Variants in DIAPH2 observed in about 807,000 individuals in gnomAD.
The protein encoded by DIAPH2 is protein diaphanous homolog 2.
Under a neutral mutation model 92.7 loss-of-function variants are expected in DIAPH2, and 35 were observed. The ratio of observed to expected loss-of-function variants is 0.38; its 90% CI spans 0.29 to 0.50. The LOEUF (loss-of-function observed/expected upper bound fraction) is 0.50, where lower values mean the gene tolerates loss of function less well. Among genes scored for constraint, DIAPH2 ranks in the 20% least tolerant of loss-of-function variants. The pLI, the probability that DIAPH2 is intolerant of heterozygous loss-of-function variation, is 0.94. For missense variants in DIAPH2, 701 were observed against 819.5 expected, an observed-to-expected ratio of 0.86 and a Z score of 1.77; for synonymous variants, 301 against 280.4, an observed-to-expected ratio of 1.07 and a Z score of -0.73.
chrX:96,816,395 T>C (rs901986980), intron 4 of DIAPH2, among the ~76,000 whole-genome samples: 3 of 112,325 alleles, frequency 2.7e-5, no homozygotes, highest in African/African-American at 9.7e-5. Flanking sequence ...TGTCATTCCC[T>C]TATTTGTCTG....
At chrX:96,738,245 C>G (rs2064098994) in intron 2 of DIAPH2, among the ~76,000 whole-genome samples, 1 of 111,431 alleles carries the variant, frequency 9.0e-6, no homozygotes, top group African/African-American at 3.3e-5. Flanking sequence ...TTTCATAGTT[C>G]TAAAGTTGCC....
At chrX:97,342,528 CAATT>C (rs1162182763) in intron 23 of DIAPH2, among the ~76,000 whole-genome samples, 2 of 111,843 alleles carry the variant, frequency 1.8e-5, no homozygotes, top group Admixed American at 9.5e-5. Flanking sequence ...GCGGCTCACA[CAATT>C]TATTTTTTAA....
At chrX:97,524,095 C>G (rs2071008556) in intron 26 of DIAPH2, among the ~76,000 whole-genome samples, 1 of 111,550 alleles carries the variant, frequency 9.0e-6, no homozygotes, top group Admixed American at 9.6e-5. Flanking sequence ...GAGCATTTAT[C>G]ACCACCCGTC....
chrX:97,427,114 G>A (rs184738887), intron 25 of DIAPH2, among the ~76,000 whole-genome samples: 20 of 108,653 alleles, frequency 1.8e-4, no homozygotes, highest in Admixed American at 1.8e-3. Context: ...GGAGGCGGAG[G>A]TTGTAGTGAG....
At chrX:97,078,486 C>G (rs1226741382) in intron 19 of DIAPH2, among the ~76,000 whole-genome samples, 1 of 111,290 alleles carries the variant, frequency 9.0e-6, no homozygotes, top group Non-Finnish European at 1.9e-5. Flanking sequence ...GTAGTATTAA[C>G]AGTACCTCTA....
At chrX:96,685,900 CTG>C (rs766976061) in intron 1 of DIAPH2, among the ~76,000 whole-genome samples, 9 of 112,127 alleles carry the variant, frequency 8.0e-5, no homozygotes, top group Admixed American at 3.8e-4. Context: ...TAGGCACAAA[CTG>C]TGCAAATCTC....
chrX:97,293,511 A>G (rs752209029), intron 23 of DIAPH2, among the ~76,000 whole-genome samples: 9 of 110,909 alleles, frequency 8.1e-5, no homozygotes, highest in Admixed American at 7.7e-4. Flanking sequence ...TTGGCCTCCC[A>G]AAGTGTTGGG....
At chrX:97,556,207 C>T (rs2071255858) in intron 26 of DIAPH2, among the ~76,000 whole-genome samples, 1 of 111,801 alleles carries the variant, frequency 8.9e-6, no homozygotes, top group Non-Finnish European at 1.9e-5. Context: ...TATCAAGGGA[C>T]TCTCTCTTAT....
intron 5 of DIAPH2, among the ~76,000 whole-genome samples, chrX:96,895,037 TC>T (rs1484564379): frequency 9.9e-6 from 1 of 100,978 alleles, no homozygotes; most frequent in Non-Finnish European, 2.0e-5. Context: ...GGAGTCTGGC[TC>T]TGTTGCCCAG....
intron 17 of DIAPH2, among the ~76,000 whole-genome samples, chrX:97,066,602 T>C (rs2066635768): frequency 8.9e-6 from 1 of 112,479 alleles, no homozygotes; most frequent in South Asian, 3.7e-4. Flanking sequence ...AGGGAAATTC[T>C]TCCCTAAAAC....
At chrX:97,347,719 C>T (rs1240683038) in intron 23 of DIAPH2, among the ~76,000 whole-genome samples, 3 of 111,114 alleles carry the variant, frequency 2.7e-5, no homozygotes, top group Non-Finnish European at 3.8e-5. Flanking sequence ...CCACCATGTA[C>T]CTCAGAATGT....
At chrX:96,704,939 G>A (rs977241345) in intron 1 of DIAPH2, among the ~76,000 whole-genome samples, 4 of 108,573 alleles carry the variant, frequency 3.7e-5, no homozygotes, top group African/African-American at 1.3e-4. Context: ...CTTACTCCAA[G>A]GGAAGAATGC....
intron 24 of DIAPH2, among the ~76,000 whole-genome samples, chrX:97,362,597 T>G (rs976234921): frequency 4.4e-5 from 5 of 112,425 alleles, no homozygotes; most frequent in African/African-American, 1.6e-4. Flanking sequence ...CTTTTTCTCA[T>G]TCATTCATTC....
chrX:97,349,018 ATGTGTATATATATG>A (rs1003459265), intron 24 of DIAPH2, among the ~76,000 whole-genome samples: 13 of 107,147 alleles, frequency 1.2e-4, no homozygotes, highest in Non-Finnish European at 1.7e-4. Flanking sequence ...GTGTATATAT[ATGTGTATATATATG>A]TGTGTATATA....
chrX:97,438,099 C>T (rs1425819326), intron 26 of DIAPH2, among the ~76,000 whole-genome samples: 1 of 94,652 alleles, frequency 1.1e-5, no homozygotes, highest in Non-Finnish European at 2.1e-5. Context: ...CCAGCCTGGG[C>T]AACATAGTGA....
intron 26 of DIAPH2, among the ~76,000 whole-genome samples, chrX:97,593,742 G>A (rs1252206078): frequency 3.6e-5 from 4 of 111,278 alleles, no homozygotes; most frequent in Admixed American, 1.9e-4. Context: ...CAATTGTTTA[G>A]TATCCCTAAC....
intron 3 of DIAPH2, among the ~76,000 whole-genome samples, chrX:96,745,021 T>C (rs935250913): frequency 1.4e-4 from 15 of 109,609 alleles, no homozygotes; most frequent in African/African-American, 4.6e-4. Flanking sequence ...TTTTTTTTTT[T>C]TTGAGATGGA....
At chrX:96,856,879 A>G (rs2065043796) in intron 4 of DIAPH2, among the ~76,000 whole-genome samples, 1 of 110,435 alleles carries the variant, frequency 9.1e-6, no homozygotes, top group Admixed American at 9.8e-5. Flanking sequence ...TCTACTAAAA[A>G]TACAAAAAAA....
chrX:97,570,102 ATATATATATATATATATATATT>A lies in DIAPH2; in HGVS notation c.3242-29150_3242-29129del, dbSNP rs1569426154. 9.5e-4 allele frequency among the ~76,000 whole-genome samples: 30 copies of A among 31,715 alleles called. 1 individual carries two copies. In the Middle Eastern group the frequency reaches 0.053, roughly 56 times the overall value. The allele number at this position is 31,715 out of a possible 115,157, so 27.5% of individuals were successfully genotyped here. A position where few individuals can be genotyped will look rare whatever the true frequency, so the allele number is the denominator to read the frequency against. On this transcript the variant is annotated intron_variant, in intron 26 of 26. Transcript: ENST00000324765. ...TATATATATATATATATATATATAT[ATATATATATATATATATATATT>A]AGAAGATAGATAGATAGATAGATAG...
Sources: allele counts gnomAD v4.1 joint callset (sites outside exome capture counted in the v4.1 genomes callset), GRCh38; gene constraint gnomAD v4.1.1; transcripts MANE v1.5; gene names NCBI Gene and HGNC (gene_info 2026-07-23, HGNC 2026-07-21).